Variants in SGCD observed in about 807,000 individuals in gnomAD.
SGCD encodes sarcoglycan delta.
A neutral mutation model predicts 36.6 loss-of-function variants in SGCD; 18 were observed. That is an observed-to-expected ratio of 0.49 (90% CI 0.34 to 0.73). The LOEUF (loss-of-function observed/expected upper bound fraction) is 0.73, where lower values mean the gene tolerates loss of function less well. Among genes scored for constraint, SGCD ranks in the 30% least tolerant of loss-of-function variants. SGCD has a pLI of 0.01. For synonymous variants in SGCD, 133 were observed against 130.6 expected, an observed-to-expected ratio of 1.02 and a Z score of -0.12; for missense variants, 387 against 346.7, an observed-to-expected ratio of 1.12 and a Z score of -0.92.
At chr5:156,578,803 C>G (rs987035217) in intron 4 of SGCD, among the ~76,000 whole-genome samples, 6 of 152,132 alleles carry the variant, frequency 3.9e-5, no homozygotes, top group Non-Finnish European at 1.5e-5. Flanking sequence ...AGTCTTCTCT[C>G]TTTTCTTCTG....
At chr5:156,587,553 C>T (rs1760543598) in intron 4 of SGCD, among the ~76,000 whole-genome samples, 1 of 152,130 alleles carries the variant, frequency 6.6e-6, no homozygotes, top group Non-Finnish European at 1.5e-5. Flanking sequence ...TTTTGAAAGC[C>T]ACCTGGGGAT....
chr5:155,753,832 A>T, the SGCD span, among the ~76,000 whole-genome samples: 1 of 152,186 alleles, frequency 6.6e-6, no homozygotes, highest in East Asian at 1.9e-4. Context: ...TGCATGTGCA[A>T]TGCTGGAATC....
At chr5:155,873,933 T>A (rs567236302) in intron 1 of SGCD, among the ~76,000 whole-genome samples, 37 of 152,272 alleles carry the variant, frequency 2.4e-4, no homozygotes, top group African/African-American at 8.7e-4. Context: ...AAATCTTCCT[T>A]CTTTTCAGCC....
chr5:156,084,512 T>A (rs1761048072), intron 1 of SGCD, among the ~76,000 whole-genome samples: 1 of 152,326 alleles, frequency 6.6e-6, no homozygotes, highest in African/African-American at 2.4e-5. Context: ...AGATCAGGCA[T>A]GTTCAGTGTG....
chr5:155,993,665 A>C (rs1758481290), intron 1 of SGCD, among the ~76,000 whole-genome samples: 1 of 152,114 alleles, frequency 6.6e-6, no homozygotes, highest in East Asian at 1.9e-4. Context: ...ATTTTTGAAC[A>C]ATCCAAATGA....
intron 3 of SGCD, among the ~76,000 whole-genome samples, chr5:156,488,113 T>G (rs1332154450): frequency 5.5e-5 from 8 of 145,294 alleles, no homozygotes; most frequent in Middle Eastern, 3.5e-3. Context: ...TTTTTTTTTT[T>G]TTTTTTTTTT....
intron 1 of SGCD, among the ~76,000 whole-genome samples, chr5:155,959,756 A>G (rs1300723267): frequency 6.6e-6 from 1 of 152,158 alleles, no homozygotes; most frequent in African/African-American, 2.4e-5. Flanking sequence ...TGTACTATGT[A>G]TTAGCCAATA....
chr5:155,897,182 G>T (rs1336020661), intron 1 of SGCD, among the ~76,000 whole-genome samples: 1 of 152,194 alleles, frequency 6.6e-6, no homozygotes, highest in East Asian at 1.9e-4. Flanking sequence ...ACAGCTTAGT[G>T]CTTCCAGGCT....
In SGCD at chr5:156,728,487, G is replaced by A. The variant is rs527934581; in HGVS notation, c.576-29094G>A. Among the ~76,000 whole-genome samples the A allele has an allele frequency of 8.1e-3, 967 of 119,812 alleles. 4 individuals carry two copies. Among genetic ancestry groups the A allele is most frequent in the Non-Finnish European group, 0.012 (761 of 61,312 alleles). 78.6% of individuals were successfully genotyped at this position (119,812 alleles called of 152,430 possible). A position where few individuals can be genotyped will look rare whatever the true frequency, so the allele number is the denominator to read the frequency against. Reference sequence around the variant, plus strand: ...GTTTGCGCCACTGCACTCCAGCCTGGGTGACAGAGCGAGACTCTGTCAAAA... The same window carrying A: ...GTTTGCGCCACTGCACTCCAGCCTGAGTGACAGAGCGAGACTCTGTCAAAA... On this transcript the variant is annotated intron_variant, in intron 7 of 8. Transcript: ENST00000337851.
chr5:156,055,148 ATT>A (rs58381697), intron 1 of SGCD, among the ~76,000 whole-genome samples: 2,943 of 136,506 alleles, frequency 0.022, 254 homozygotes, highest in African/African-American at 0.07. Context: ...CCAGTTTTCT[ATT>A]TTTTTTTTTC....
intron 3 of SGCD, among the ~76,000 whole-genome samples, chr5:156,252,393 T>C (rs1478783513): frequency 2.0e-5 from 3 of 152,098 alleles, no homozygotes. Flanking sequence ...ACATTTTGGA[T>C]CCAGTAATGT....
chr5:155,790,184 A>G, the SGCD span, among the ~76,000 whole-genome samples: 2 of 152,074 alleles, frequency 1.3e-5, no homozygotes, highest in Non-Finnish European at 2.9e-5. Context: ...TTTTTAAGAT[A>G]TTACCATAGG....
rs575077501 is a variant in SGCD at position 156,214,585 on chromosome 5, A to G, written c.-44+90566A>G. 3.3e-5 allele frequency among the ~76,000 whole-genome samples: 5 copies of G among 152,170 alleles called. No homozygotes were observed. In the East Asian group the frequency reaches 5.8e-4, roughly 18 times the overall value. On this transcript the variant is annotated intron_variant, in intron 3 of 9. Transcript: ENST00000517913. ...TATAATCTCTATTAAAATTCCACAG[A>G]AATAGAAACCATTCTAAAATTTTTA...
At chr5:156,499,403 C>T (rs972655769) in intron 3 of SGCD, among the ~76,000 whole-genome samples, 1 of 152,054 alleles carries the variant, frequency 6.6e-6, no homozygotes, top group South Asian at 2.1e-4. Flanking sequence ...ATAAGTAGCA[C>T]CTTATTTCTC....
chr5:155,778,933 T>C, the SGCD span, among the ~76,000 whole-genome samples: 8 of 152,162 alleles, frequency 5.3e-5, no homozygotes, highest in Non-Finnish European at 1.2e-4. Context: ...CCATTAAGAA[T>C]TTCTGAAATA....
intron 3 of SGCD, among the ~76,000 whole-genome samples, chr5:156,421,953 C>T (rs1207715989): frequency 2.0e-5 from 3 of 152,032 alleles, no homozygotes; most frequent in Non-Finnish European, 1.5e-5. Flanking sequence ...ATGCTGGGCC[C>T]GCAAGTCCAT....
At chr5:156,159,954 T>A (rs115053756) in intron 3 of SGCD, among the ~76,000 whole-genome samples, 2,184 of 151,686 alleles carry the variant, frequency 0.014, 29 homozygotes, top group Non-Finnish European at 0.024. Flanking sequence ...TTTTCTTAAG[T>A]CCCATGGAAG....
the SGCD span, among the ~76,000 whole-genome samples, chr5:155,819,152 AC>A: frequency 6.6e-6 from 1 of 152,170 alleles, no homozygotes; most frequent in Non-Finnish European, 1.5e-5. Flanking sequence ...GGATATTTCC[AC>A]TGTTTCTTCC....
rs1163869096 is a variant in SGCD, at chr5:156,635,240, AT to A, written c.503-12223del. Among the ~76,000 whole-genome samples the A allele has an allele frequency of 3.3e-5, 5 of 152,250 alleles. No homozygotes were observed. In the East Asian group the frequency reaches 9.7e-4, roughly 29 times the overall value. ...CTTGGCCCTAAAAGTTTTTTTAAAA[AT>A]GGGGCTTTCTGACATTTATGCAGCC... On this transcript the variant is annotated intron_variant, in intron 6 of 8. Coordinates refer to ENST00000337851, the MANE Select transcript of SGCD (RefSeq NM_000337.6).
Sources: gnomAD v4.1 joint callset for allele counts (sites outside exome capture counted in the v4.1 genomes callset) on GRCh38, gnomAD v4.1.1 for gene constraint, MANE v1.5 for transcripts, NCBI Gene and HGNC (gene_info 2026-07-23, HGNC 2026-07-21) for gene names.